Variants in GRID1 observed in about 807,000 individuals in gnomAD.
GRID1 encodes the protein glutamate receptor ionotropic, delta-1.
GRID1 carries 28 observed loss-of-function variants against 98.0 expected under a neutral mutation model. The observed-to-expected ratio is 0.29, with a 90% CI of 0.21 to 0.39. The LOEUF (loss-of-function observed/expected upper bound fraction) is 0.39, where lower values mean the gene tolerates loss of function less well. Ranked by LOEUF, GRID1 falls within the 10% of genes least tolerant of loss-of-function variation. The probability of loss-of-function intolerance (pLI) is 1.00; values close to 1 mark genes in which losing one functional copy is unlikely to be tolerated. For missense variants in GRID1, 1,111 were observed against 1,340.5 expected (o/e 0.83, Z 2.67); for synonymous variants, 553 against 538.5 (o/e 1.03, Z -0.37).
intron 4 of GRID1, among the ~76,000 whole-genome samples, chr10:86,134,027 T>C (rs1006615523): frequency 2.0e-5 from 3 of 152,196 alleles, no homozygotes; most frequent in Non-Finnish European, 4.4e-5. Flanking sequence ...GGGAGGCCTA[T>C]GTACGGTAGA....
At chr10:86,197,863 G>C (rs1385573581) in intron 3 of GRID1, among the ~76,000 whole-genome samples, 3 of 152,022 alleles carry the variant, frequency 2.0e-5, no homozygotes, top group Admixed American at 1.3e-4. Flanking sequence ...TTAGATCGAA[G>C]AACAAAACCC....
intron 4 of GRID1, among the ~76,000 whole-genome samples, chr10:86,008,856 C>T (rs973093476): frequency 2.9e-4 from 44 of 152,096 alleles, no homozygotes; most frequent in Admixed American, 2.7e-3. Context: ...ATGTCCCCAG[C>T]GATCCAGCGC....
chr10:86,245,483 C>T (rs1441602026), intron 2 of GRID1, among the ~76,000 whole-genome samples: 1 of 13,746 alleles, frequency 7.3e-5, no homozygotes, highest in East Asian at 4.6e-4. Context: ...TCCATTCCTC[C>T]TCTACCATTT....
chr10:86,252,767 G>T (rs549798587), intron 2 of GRID1, among the ~76,000 whole-genome samples: 1 of 152,142 alleles, frequency 6.6e-6, no homozygotes, highest in African/African-American at 2.4e-5. Flanking sequence ...CGTCTCTGGG[G>T]GCCTCCGGCT....
At chr10:85,884,837 C>T (rs1020293808) in intron 5 of GRID1, among the ~76,000 whole-genome samples, 1 of 152,086 alleles carries the variant, frequency 6.6e-6, no homozygotes, top group Non-Finnish European at 1.5e-5. Context: ...ATGGATCTAC[C>T]TCCATTTTCA....
At chr10:85,710,011 T>C (rs1841565048) in intron 12 of GRID1, among the ~76,000 whole-genome samples, 1 of 152,164 alleles carries the variant, frequency 6.6e-6, no homozygotes, top group African/African-American at 2.4e-5. Flanking sequence ...CATCTTATGC[T>C]AATGGATTGG....
rs187905383 is a variant in GRID1, at chr10:85,802,563, G to C, written c.1233+51933C>G. ...GAAATTGTATGCCAACTCATATTAT[G>C]CACAAAATTTATCTCCACATAGATT... On this transcript the variant is annotated intron_variant, in intron 8 of 15. Transcript: ENST00000327946. Among the ~76,000 whole-genome samples, 66 of 151,884 alleles carry C rather than the reference G, an allele frequency of 4.3e-4. 1 individual carries two copies. The highest frequency in any genetic ancestry group is 1.5e-3 in the African/African-American group (63 of 41,440).
intron 4 of GRID1, among the ~76,000 whole-genome samples, chr10:86,038,756 C>T (rs995060856): frequency 1.2e-4 from 19 of 152,226 alleles, no homozygotes; most frequent in Admixed American, 2.6e-4. Flanking sequence ...TTCTCTTTAA[C>T]GTAACTTTGT....
chr10:86,173,211 T>C (rs115202045), intron 3 of GRID1, among the ~76,000 whole-genome samples: 4,411 of 152,250 alleles, frequency 0.029, 213 homozygotes, highest in African/African-American at 0.1. Context: ...CTAATTTTTA[T>C]TGTTTTTTGT....
chr10:85,770,434 G>T (rs1020679651), intron 8 of GRID1, among the ~76,000 whole-genome samples: 8 of 152,210 alleles, frequency 5.3e-5, no homozygotes, highest in African/African-American at 1.9e-4. Context: ...TCCTCCAAAG[G>T]AATGCAGCTC....
At chr10:85,932,731 T>C (rs761954318) in intron 4 of GRID1, among the ~76,000 whole-genome samples, 14 of 152,192 alleles carry the variant, frequency 9.2e-5, no homozygotes, top group Non-Finnish European at 1.8e-4. Flanking sequence ...AAATTCTCCT[T>C]TTCCTTAAGC....
At chr10:86,175,960 C>T (rs138984349) in intron 3 of GRID1, among the ~76,000 whole-genome samples, 2,099 of 152,250 alleles carry the variant, frequency 0.014, 64 homozygotes, top group African/African-American at 0.048. Context: ...CTGCCTGCCT[C>T]GGCCTCCCAA....
chr10:85,697,191 C>T (rs948854931), intron 12 of GRID1, among the ~76,000 whole-genome samples: 2 of 151,984 alleles, frequency 1.3e-5, no homozygotes, highest in African/African-American at 4.8e-5. Context: ...TTTTTGTTTA[C>T]TTGCTGTATG....
intron 8 of GRID1, among the ~76,000 whole-genome samples, chr10:85,811,088 C>G (rs1264541172): frequency 6.6e-6 from 1 of 152,180 alleles, no homozygotes; most frequent in African/African-American, 2.4e-5. Context: ...GTCATCACCA[C>G]CACAAATCCT....
At chr10:86,010,721 G>A (rs1842914433) in intron 4 of GRID1, among the ~76,000 whole-genome samples, 1 of 151,900 alleles carries the variant, frequency 6.6e-6, no homozygotes, top group Non-Finnish European at 1.5e-5. Flanking sequence ...GAGAGGCTGA[G>A]GCAGGAGAGT....
chr10:86,334,711 C>A (rs1848199409), intron 2 of GRID1, among the ~76,000 whole-genome samples: 1 of 152,234 alleles, frequency 6.6e-6, no homozygotes, highest in South Asian at 2.1e-4. Flanking sequence ...AAGGCACACA[C>A]AATGCTGGGC....
chr10:85,734,015 G>A (rs989342528), intron 8 of GRID1, among the ~76,000 whole-genome samples: 1 of 152,180 alleles, frequency 6.6e-6, no homozygotes, highest in African/African-American at 2.4e-5. Context: ...CCTATCACAT[G>A]CACTTGTACG....
At chr10:85,631,904 A>G (rs924936838) in intron 13 of GRID1, among the ~76,000 whole-genome samples, 1 of 152,188 alleles carries the variant, frequency 6.6e-6, no homozygotes, top group African/African-American at 2.4e-5. Context: ...ACAGATGACA[A>G]GCATACATGT....
At chr10:86,175,852 G>A (rs1046857174) in intron 3 of GRID1, among the ~76,000 whole-genome samples, 9 of 152,144 alleles carry the variant, frequency 5.9e-5, no homozygotes, top group Non-Finnish European at 8.8e-5. Flanking sequence ...TGAGATTACA[G>A]GCATGCGCCA....
Sources: allele counts gnomAD v4.1 joint callset (sites outside exome capture counted in the v4.1 genomes callset), GRCh38; gene constraint gnomAD v4.1.1; transcripts MANE v1.5; gene names NCBI Gene and HGNC (gene_info 2026-07-23, HGNC 2026-07-21).